The following CLCN7 variants were observed in gnomAD, a reference collection of about 807,000 sequenced individuals.
CLCN7 encodes H(+)/Cl(-) exchange transporter 7.
A neutral mutation model predicts 102.1 loss-of-function variants in CLCN7; 60 were observed. The observed-to-expected ratio is 0.59, with a 90% CI of 0.48 to 0.73. The LOEUF is 0.73. Among genes scored for constraint, CLCN7 ranks in the 30% least tolerant of loss-of-function variants. The pLI is 0.00. For missense variants in CLCN7, 962 were observed against 1,125.7 expected, an observed-to-expected ratio of 0.85 and a Z score of 2.08; for synonymous variants, 560 against 490.5, an observed-to-expected ratio of 1.14 and a Z score of -1.87.
intron 9 of CLCN7, among the ~76,000 whole-genome samples, chr16:1,456,452 G>A (rs1267329844): frequency 2.6e-5 from 4 of 152,172 alleles, no homozygotes; most frequent in African/African-American, 9.7e-5. Context: ...TCCAGCGCAC[G>A]CAAGATTCCA....
At chr16:1,451,037 T>C (rs531243452) in intron 16 of CLCN7, among the ~76,000 whole-genome samples, 17 of 152,318 alleles carry the variant, frequency 1.1e-4, no homozygotes, top group African/African-American at 3.8e-4. Flanking sequence ...AGCCTGGGGT[T>C]CCTTTCCTGG....
At chr16:1,455,959 G>A (rs187200625) in intron 10 of CLCN7, among the ~76,000 whole-genome samples, 154 bp downstream of exon 10, 1 of 152,352 alleles carries the variant, frequency 6.6e-6, no homozygotes, top group Non-Finnish European at 1.5e-5. Context: ...TCTGAGGGCT[G>A]GACCCAAGTA....
Position 1,446,754 on chromosome 16 carries a change from C to T in CLCN7, c.2332-37G>A, listed in dbSNP as rs576070942. The T allele has an allele frequency of 1.4e-4, 218 of 1,513,124 alleles. No homozygotes were observed. In the East Asian group the frequency reaches 4.5e-3, roughly 31 times the overall value. The allele number at this position is 1,513,124 out of a possible 1,614,324, so 93.7% of individuals were successfully genotyped here. Reference sequence around the variant, plus strand: ...GTCCAGGCCACAGTGACACACGGGTCGGCTCCCGCCTGCCTGTGGAGCTCC... The same window carrying T: ...GTCCAGGCCACAGTGACACACGGGTTGGCTCCCGCCTGCCTGTGGAGCTCC... On this transcript the variant is annotated intron_variant, in intron 24 of 24. Transcript: ENST00000382745.
At chr16:1,456,911 G>C (rs2038843732) in intron 9 of CLCN7, among the ~76,000 whole-genome samples, 2 of 152,008 alleles carry the variant, frequency 1.3e-5, no homozygotes, top group Non-Finnish European at 2.9e-5. Context: ...ACTTTTTTGG[G>C]GAAAAAGTGT....
intron 15 of CLCN7, 200 bp from the exon 16 acceptor site, chr16:1,451,916 A>G (rs1370187907): frequency 1.7e-6 from 1 of 599,832 alleles, no homozygotes; most frequent in Admixed American, 2.2e-5. Flanking sequence ...ATGGTCACGG[A>G]GGGAAAGGAG....
At chr16:1,469,019 C>T (rs560106912) in intron 1 of CLCN7, among the ~76,000 whole-genome samples, 87 of 149,556 alleles carry the variant, frequency 5.8e-4, no homozygotes, top group Admixed American at 8.7e-4. Context: ...GAAGCAACCC[C>T]GTCTCTACTT....
chr16:1,446,751 G>T (rs1462872937), intron 24 of CLCN7, 34 bp from the exon 25 acceptor site: 1 of 1,530,572 alleles, frequency 6.5e-7, no homozygotes. Context: ...GTGACACACG[G>T]GTCGGCTCCC....
intron 14 of CLCN7, 49 bp from the exon 15 acceptor site, chr16:1,452,942 C>T (rs1320574822): frequency 6.4e-7 from 1 of 1,550,960 alleles, no homozygotes; most frequent in South Asian, 1.2e-5. Context: ...CAGCGCGGCC[C>T]CTCCGCAGGC....
At position 1,445,192 on chromosome 16, in the gene CLCN7, G is replaced by C. The variant is rs1048777268; in HGVS notation, c.*1439C>G. On this transcript the variant is annotated 3_prime_UTR_variant, in exon 25 of 25. Coordinates refer to ENST00000382745, the MANE Select transcript of CLCN7 (RefSeq NM_001287.6). Reference sequence around the variant, plus strand: ...GAGGCTGAGGGGCGGGGACGAGGAAGAGGATGTGGCTGGTGCCCTGGGTGG... The same window carrying C: ...GAGGCTGAGGGGCGGGGACGAGGAACAGGATGTGGCTGGTGCCCTGGGTGG... 6.6e-6 allele frequency: 1 copy of C among 152,232 alleles called. No individual in the cohort carries two copies. The highest frequency in any genetic ancestry group is 2.4e-5 in the African/African-American group (1 of 41,444). The allele number at this position is 152,232 out of a possible 1,614,324, so 9.4% of individuals were successfully genotyped here.
At chr16:1,470,783 T>C (rs2039067798) in intron 1 of CLCN7, among the ~76,000 whole-genome samples, 2 of 152,268 alleles carry the variant, frequency 1.3e-5, no homozygotes, top group African/African-American at 4.8e-5. Context: ...CACAGTTCTT[T>C]CTCAGGCTGC....
At position 1,460,825 on chromosome 16, in the gene CLCN7, T is replaced by C; in HGVS notation, c.475A>G (p.Ile159Val). Residue 159 changes from isoleucine (I) to valine (V), a missense_variant, in exon 5 of 25, where the codon ATC (isoleucine) becomes GTC (valine). Ile to Val is a conservative substitution (Grantham distance 29). This residue lies in a region of CLCN7 where 799 missense variants were observed against 988.0 expected (regional missense o/e 0.81). Coordinates refer to ENST00000382745, the MANE Select transcript of CLCN7 (RefSeq NM_001287.6). Reference sequence around the variant, plus strand: ...GCACTGGGAAGGATACTGCCCTTGATGACCCTGTACTTGAGGCCAGCCAGG... The same window carrying C: ...GCACTGGGAAGGATACTGCCCTTGACGACCCTGTACTTGAGGCCAGCCAGG... ...ENLAGLKYRV[I>V]KGNIDKFTEK... 6.2e-7 allele frequency: 1 copy of C among 1,614,036 alleles called. No homozygotes were observed. Among genetic ancestry groups the C allele is most frequent in the East Asian group, 2.2e-5 (1 of 44,880 alleles).
chr16:1,456,181 G>T lies in CLCN7; in HGVS notation c.848C>A (p.Thr283Lys). The change falls in exon 10 of 25, where the codon ACA (threonine) becomes AAA (lysine). Residue 283 changes from threonine to lysine, a missense_variant. Physicochemically the swap from Thr to Lys is moderately conservative, Grantham distance 78. This residue lies in a region of CLCN7 where 799 missense variants were observed against 988.0 expected (regional missense o/e 0.81). Coordinates refer to ENST00000382745, the MANE Select transcript of CLCN7 (RefSeq NM_001287.6). ...FKIFEYFRRD[T>K]EKRDFVSAGA... is the part of the protein sequence containing the mutation. The stretch of plus-strand genomic sequence containing the variant: ...TGCGGAGACGAAGTCCCGCTTCTCT[G>T]TGTCTCTGCGGAAGTACTCGAAGAT... The T allele has an allele frequency of 1.9e-6, 3 of 1,567,734 alleles. No homozygotes were observed. Among genetic ancestry groups the T allele is most frequent in the Non-Finnish European group, 2.6e-6 (3 of 1,155,492 alleles).
chr16:1,452,178 G>C (rs910095569), intron 15 of CLCN7: 11 of 262,440 alleles, frequency 4.2e-5, no homozygotes, highest in African/African-American at 2.2e-4. Flanking sequence ...CCATGGCCCC[G>C]GGCCTCCCAC....
At chr16:1,447,107 T>A in intron 23 of CLCN7, 21 bp from the exon 24 acceptor site, 2 of 1,579,570 alleles carry the variant, frequency 1.3e-6, no homozygotes, top group Non-Finnish European at 1.7e-6. Flanking sequence ...GGCACAGCTG[T>A]CAGTGCCCGC....
At chr16:1,454,849 C>T (rs1031070633) in intron 12 of CLCN7, among the ~76,000 whole-genome samples, 4 of 152,238 alleles carry the variant, frequency 2.6e-5, no homozygotes, top group South Asian at 4.1e-4. Context: ...CCACCTGCCC[C>T]GAGAGCGGCT....
chr16:1,452,488 C>T (rs895194915), intron 15 of CLCN7: 10 of 519,734 alleles, frequency 1.9e-5, no homozygotes, highest in South Asian at 8.9e-5. Flanking sequence ...GCCTGAGGCT[C>T]GCCCCGTCAG....
rs549257510 is a variant in CLCN7, at chr16:1,456,054, C to T, written c.916+59G>A. On this transcript the variant is annotated intron_variant, in intron 10 of 24. Coordinates refer to ENST00000382745, the MANE Select transcript of CLCN7 (RefSeq NM_001287.6). ...GGCACTGGGCCTACAGAGAGGAGAC[C>T]GTTCCTTCCAACACACAGGGCGAGG... 2.2e-5 allele frequency: 30 copies of T among 1,376,294 alleles called. 1 individual carries two copies. The highest frequency in any genetic ancestry group is 4.3e-4 in the Middle Eastern group (2 of 4,612). The allele number at this position is 1,376,294 out of a possible 1,614,324, so 85.3% of individuals were successfully genotyped here. A position where few individuals can be genotyped will look rare whatever the true frequency, so the allele number is the denominator to read the frequency against.
rs879185404 is a variant in CLCN7, at chr16:1,457,616, G to A, written c.738+78C>T. 5 of 1,445,854 alleles carry A rather than the reference G, an allele frequency of 3.5e-6. No homozygotes were observed. In the South Asian group the frequency reaches 5.8e-5, roughly 17 times the overall value. 89.6% of individuals were successfully genotyped at this position (1,445,854 alleles called of 1,614,324 possible). On this transcript the variant is annotated intron_variant, in intron 8 of 24. Transcript: ENST00000382745. The surrounding 1 kb of genome is among the most constrained non-coding windows in gnomAD (Gnocchi z 5.4). ...GAGACCAGAAGGACCGGTGCTCAGA[G>A]ACACACATGGGCGTGGCGGCCCTCG...
At chr16:1,472,665 C>T (rs2039093248) in intron 1 of CLCN7, 2 of 152,196 alleles carry the variant, frequency 1.3e-5, no homozygotes, top group African/African-American at 4.8e-5. Flanking sequence ...CATCAAGGTT[C>T]CTAATCTTTA....
Sources: allele counts gnomAD v4.1 joint callset (sites outside exome capture counted in the v4.1 genomes callset), GRCh38; gene constraint gnomAD v4.1.1; regional missense constraint gnomAD v4.1.1; non-coding constraint Gnocchi (gnomAD v3.1); transcripts MANE v1.5; gene names NCBI Gene and HGNC (gene_info 2026-07-23, HGNC 2026-07-21).